The following ANKRD44 variants were observed in gnomAD, a reference collection of about 807,000 sequenced individuals.
ANKRD44 encodes serine/threonine-protein phosphatase 6 regulatory ankyrin repeat subunit B.
Under a neutral mutation model 116.0 loss-of-function variants are expected in ANKRD44, and 35 were observed. The observed-to-expected ratio is 0.30, with a 90% confidence interval of 0.23 to 0.40. The LOEUF (loss-of-function observed/expected upper bound fraction) is 0.40. Ranked by LOEUF, ANKRD44 falls within the 10% of genes least tolerant of loss-of-function variation. The pLI is 1.00. For synonymous variants in ANKRD44, 435 were observed against 461.8 expected, an observed-to-expected ratio of 0.94 and a Z score of 0.74; for missense variants, 1,014 against 1,242.6, an observed-to-expected ratio of 0.82 and a Z score of 2.77.
intron 16 of ANKRD44, among the ~76,000 whole-genome samples, chr2:197,053,648 T>TA (rs2077153456): frequency 6.6e-6 from 1 of 152,302 alleles, no homozygotes; most frequent in South Asian, 2.1e-4. Context: ...CATGCCCATC[T>TA]AATTTTGTAT....
At chr2:197,310,170 C>A (rs545936710) in intron 1 of ANKRD44, among the ~76,000 whole-genome samples, 1 of 152,160 alleles carries the variant, frequency 6.6e-6, no homozygotes, top group Non-Finnish European at 1.5e-5. Flanking sequence ...GGGTCCCAGT[C>A]TGCGATCCTT....
At chr2:197,155,399 C>CATTAGCA (rs1261091928) in intron 2 of ANKRD44, among the ~76,000 whole-genome samples, 88 of 152,318 alleles carry the variant, frequency 5.8e-4, no homozygotes, top group Non-Finnish European at 9.4e-4. Context: ...GAAAGTTATT[C>CATTAGCA]TCCATTATAA....
intron 9 of ANKRD44, among the ~76,000 whole-genome samples, chr2:197,109,104 C>T (rs1315433511): frequency 6.6e-6 from 1 of 152,208 alleles, no homozygotes; most frequent in Non-Finnish European, 1.5e-5. Context: ...GTTGTTTTCC[C>T]TCCAACCTTG....
At chr2:197,034,050 T>TAGAGAGCGAGAGAGAGAGAGAGAG in intron 16 of ANKRD44, among the ~76,000 whole-genome samples, 1 of 110,578 alleles carries the variant, frequency 9.0e-6, no homozygotes, top group Non-Finnish European at 1.8e-5. Flanking sequence ...ATATGAGGGC[T>TAGAGAGCGAGAGAGAGAGAGAGAG]AGAGAGAGAG....
rs2078859935 is a variant in ANKRD44 at position 197,121,746 on chromosome 2, C to CA, written c.694-203dup. Among the ~76,000 whole-genome samples, 3 of 152,194 alleles carry CA rather than the reference C, an allele frequency of 2.0e-5. No individual in the cohort carries two copies. In the South Asian group the frequency reaches 6.2e-4, roughly 32 times the overall value. On this transcript the variant is annotated intron_variant, in intron 7 of 27. Transcript: ENST00000282272. ...AAAGATCAGCAAAAAGTCAATGTGG[C>CA]AAAAAATGAACTGGAGACAGAGAAG...
intron 2 of ANKRD44, among the ~76,000 whole-genome samples, chr2:197,158,105 G>T (rs1030928666): frequency 2.0e-4 from 30 of 152,270 alleles, no homozygotes; most frequent in African/African-American, 7.0e-4. Flanking sequence ...CTGTGCTTTG[G>T]TGCCAGCGAA....
chr2:197,164,313 T>A (rs2697249), intron 2 of ANKRD44, among the ~76,000 whole-genome samples: 2 of 152,168 alleles, frequency 1.3e-5, no homozygotes, highest in Admixed American at 6.5e-5. Flanking sequence ...GACCCCTCTC[T>A]GGCAGCACAA....
chr2:197,289,172 AT>A (rs2083489370), intron 1 of ANKRD44, among the ~76,000 whole-genome samples: 1 of 152,222 alleles, frequency 6.6e-6, no homozygotes, highest in Non-Finnish European at 1.5e-5. Context: ...CTCCATAAAT[AT>A]GTAAAATATT....
chr2:197,249,633 C>T (rs1350541837), intron 1 of ANKRD44, among the ~76,000 whole-genome samples: 1 of 152,166 alleles, frequency 6.6e-6, no homozygotes, highest in African/African-American at 2.4e-5. Flanking sequence ...ATATTTAAGC[C>T]ATAATCCTAT....
intron 17 of ANKRD44, among the ~76,000 whole-genome samples, chr2:197,020,199 G>T (rs956002325): frequency 6.6e-6 from 1 of 152,150 alleles, no homozygotes; most frequent in African/African-American, 2.4e-5. Flanking sequence ...TGTACATCAG[G>T]CTATGACACT....
intron 1 of ANKRD44, chr2:197,263,118 C>A (rs1422099900): frequency 2.1e-6 from 1 of 477,722 alleles, no homozygotes. Flanking sequence ...AAAATGTACA[C>A]CTGCTCCAAG....
intron 16 of ANKRD44, among the ~76,000 whole-genome samples, chr2:197,039,226 G>A (rs1444749063): frequency 6.6e-6 from 1 of 152,174 alleles, no homozygotes; most frequent in East Asian, 1.9e-4. Context: ...TTGGAGACAG[G>A]ATAGAGAAGA....
rs149107038 is a variant in ANKRD44 at position 197,186,612 on chromosome 2, C to CTTTT, written c.111+407_111+410dup. Among the ~76,000 whole-genome samples, 15 of 50,808 alleles carry CTTTT rather than the reference C, an allele frequency of 3.0e-4. 1 individual carries two copies. Among genetic ancestry groups the CTTTT allele is most frequent in the East Asian group, 1.1e-3 (1 of 926 alleles). 33.3% of individuals were successfully genotyped at this position (50,808 alleles called of 152,430 possible). Reference sequence around the variant, plus strand: ...CCATCACTATGCCCGGCTAATTTTTCTTTTTTTTTTTTTTTTTTTTTTTTT... The same window carrying CTTTT: ...CCATCACTATGCCCGGCTAATTTTTCTTTTTTTTTTTTTTTTTTTTTTTTTTTTT... On this transcript the variant is annotated intron_variant, in intron 2 of 27. Transcript: ENST00000282272.
At chr2:197,238,758 G>A (rs1352803607) in intron 1 of ANKRD44, among the ~76,000 whole-genome samples, 2 of 151,660 alleles carry the variant, frequency 1.3e-5, no homozygotes, top group African/African-American at 4.8e-5. Context: ...AGGCTGAAGT[G>A]CAGTGGTACG....
rs71012960 is a variant in ANKRD44, at chr2:197,170,190, C to CA, written c.111+16832dup. Among the ~76,000 whole-genome samples the CA allele has an allele frequency of 5.0e-3, 598 of 119,522 alleles. 6 individuals are homozygous for CA. Among genetic ancestry groups the CA allele is most frequent in the African/African-American group, 0.013 (408 of 30,314 alleles). 78.4% of individuals were successfully genotyped at this position (119,522 alleles called of 152,430 possible). A position where few individuals can be genotyped will look rare whatever the true frequency, so the allele number is the denominator to read the frequency against. On this transcript the variant is annotated intron_variant, in intron 2 of 27. Transcript: ENST00000282272. ...GGGCGATAGAACAAGACCCTGTTTC[C>CA]AAAAAAAAAAAAAAAAAAAAAAAAC...
chr2:197,195,485 C>T (rs1231021519), intron 1 of ANKRD44, among the ~76,000 whole-genome samples: 2 of 152,054 alleles, frequency 1.3e-5, no homozygotes, highest in Non-Finnish European at 2.9e-5. Context: ...TCACAGTCTC[C>T]CCAGGTGCTA....
intron 1 of ANKRD44, among the ~76,000 whole-genome samples, chr2:197,237,002 C>T (rs2081992346): frequency 6.6e-6 from 1 of 152,196 alleles, no homozygotes; most frequent in Non-Finnish European, 1.5e-5. Context: ...ACAAAGTGTT[C>T]TTTGATGCCC....
At chr2:196,990,596 T>G in intron 27 of ANKRD44, 1 of 1,231,164 alleles carries the variant, frequency 8.1e-7, no homozygotes, top group East Asian at 3.2e-5. Flanking sequence ...CAAATAATAC[T>G]TGAATACAAC....
chr2:197,143,963 T>G (rs2079436594), intron 3 of ANKRD44, among the ~76,000 whole-genome samples: 1 of 152,186 alleles, frequency 6.6e-6, no homozygotes, highest in South Asian at 2.1e-4. Context: ...CCTTTTTCTG[T>G]GCACTCTGCT....
Sources: allele counts gnomAD v4.1 joint callset (sites outside exome capture counted in the v4.1 genomes callset), GRCh38; gene constraint gnomAD v4.1.1; transcripts MANE v1.5; gene names NCBI Gene and HGNC (gene_info 2026-07-23, HGNC 2026-07-21).